ATE1: variants seen among roughly 807,000 people sequenced by gnomAD.
The protein encoded by ATE1 is arginyltransferase 1.
A neutral mutation model predicts 70.5 loss-of-function variants in ATE1; 36 were observed. The observed-to-expected ratio is 0.51, with a 90% confidence interval of 0.39 to 0.67. ATE1 has a LOEUF of 0.67. Ranked by LOEUF, ATE1 falls within the 30% of genes least tolerant of loss-of-function variation. The probability of loss-of-function intolerance (pLI) is 0.00; values close to 1 mark genes in which losing one functional copy is unlikely to be tolerated. For synonymous variants in ATE1, 232 were observed against 219.3 expected (o/e 1.06, Z -0.51); for missense variants, 593 against 629.5 (o/e 0.94, Z 0.62).
intron 10 of ATE1, among the ~76,000 whole-genome samples, chr10:121,790,533 C>T (rs142354950): frequency 3.3e-5 from 5 of 152,136 alleles, no homozygotes; most frequent in African/African-American, 4.8e-5. Flanking sequence ...TTGGAAAATT[C>T]GAGTTTTTAC....
At chr10:121,890,204 G>A (rs1950533178) in intron 7 of ATE1, among the ~76,000 whole-genome samples, 1 of 152,014 alleles carries the variant, frequency 6.6e-6, no homozygotes, top group Admixed American at 6.6e-5. Flanking sequence ...AATCTAAAAC[G>A]ATATCACAAA....
chr10:121,786,213 T>G (rs1413343138), intron 11 of ATE1, among the ~76,000 whole-genome samples: 3 of 142,778 alleles, frequency 2.1e-5, no homozygotes, highest in African/African-American at 7.9e-5. Context: ...TTTTTTTTTT[T>G]TTTTTTTTTT....
intron 5 of ATE1, among the ~76,000 whole-genome samples, 171 bp downstream of exon 5, chr10:121,910,735 A>T (rs1287482136): frequency 6.6e-6 from 1 of 152,220 alleles, no homozygotes; most frequent in Non-Finnish European, 1.5e-5. Context: ...GTAGTTTGTA[A>T]AAGGCATGAT....
intron 7 of ATE1, among the ~76,000 whole-genome samples, chr10:121,898,449 C>A (rs567051371): frequency 6.6e-6 from 1 of 152,328 alleles, no homozygotes; most frequent in South Asian, 2.1e-4. Flanking sequence ...GTATTTCTTT[C>A]TAATTCACTT....
At chr10:121,816,440 A>T (rs574987877) in intron 10 of ATE1, among the ~76,000 whole-genome samples, 1 of 152,210 alleles carries the variant, frequency 6.6e-6, no homozygotes, top group South Asian at 2.1e-4. Flanking sequence ...TCAATGGACT[A>T]GTGCCTTAGG....
Position 121,899,109 on chromosome 10 carries a change from G to A in ATE1, c.942+757C>T, listed in dbSNP as rs1950882751. The A allele has an allele frequency of 1.5e-5, 14 of 908,858 alleles. 1 individual carries two copies. The highest frequency in any genetic ancestry group is 8.6e-5 in the East Asian group (3 of 35,072). 56.3% of individuals were successfully genotyped at this position (908,858 alleles called of 1,614,324 possible). On this transcript the variant is annotated intron_variant, in intron 7 of 11. Transcript: ENST00000224652. ...TTTGTCATGAAAAGAAACCTTAGAC[G>A]AGGCAGACGGGTGCAGAGACCGAAG... is the stretch of plus-strand genomic sequence containing the variant.
At chr10:121,815,136 A>AT (rs1947484942) in intron 10 of ATE1, among the ~76,000 whole-genome samples, 1 of 152,078 alleles carries the variant, frequency 6.6e-6, no homozygotes, top group African/African-American at 2.4e-5. Flanking sequence ...CATCTTGGGA[A>AT]TTTTTTTGTT....
intron 11 of ATE1, among the ~76,000 whole-genome samples, chr10:121,786,395 A>C (rs1167008438): frequency 1.3e-5 from 2 of 152,090 alleles, no homozygotes; most frequent in African/African-American, 4.8e-5. Context: ...TTGGCTGGGC[A>C]TGGTGGTTCA....
chr10:121,875,727 G>C (rs1199516724), intron 7 of ATE1, among the ~76,000 whole-genome samples: 4 of 152,050 alleles, frequency 2.6e-5, no homozygotes, highest in Admixed American at 2.6e-4. Context: ...CGTAAGTCTG[G>C]GAAATGCTCT....
intron 11 of ATE1, among the ~76,000 whole-genome samples, chr10:121,778,884 C>G (rs1459651627): frequency 6.6e-6 from 1 of 152,028 alleles, no homozygotes; most frequent in East Asian, 1.9e-4. Context: ...ATTACAGGTT[C>G]ACGTGAGCCA....
intron 8 of ATE1, among the ~76,000 whole-genome samples, chr10:121,857,320 T>C (rs1463169414): frequency 6.6e-6 from 1 of 152,210 alleles, no homozygotes; most frequent in African/African-American, 2.4e-5. Flanking sequence ...TTTATGTCCA[T>C]GTGTACCCAA....
intron 7 of ATE1, among the ~76,000 whole-genome samples, chr10:121,886,453 G>C (rs1447298832): frequency 6.6e-6 from 1 of 152,136 alleles, no homozygotes; most frequent in Non-Finnish European, 1.5e-5. Flanking sequence ...TGGTCCCAGT[G>C]TGAGTGTGGG....
chr10:121,763,764 A>G (rs1945156315), intron 11 of ATE1, among the ~76,000 whole-genome samples: 1 of 152,212 alleles, frequency 6.6e-6, no homozygotes, highest in Non-Finnish European at 1.5e-5. Flanking sequence ...TTGTAATCCC[A>G]GCACTTTGGG....
Position 121,899,907 on chromosome 10 carries a change from C to T in ATE1, c.901G>A (p.Val301Ile), listed in dbSNP as rs1196579209. The change falls in exon 7 of 12, where the codon GTT becomes ATT. Residue 301 changes from valine (V) to isoleucine (I), a missense_variant. Physicochemically the swap from Val to Ile is conservative, Grantham distance 29. Transcript: ENST00000224652. ...SYQVYKRYQM[V>I]IHKNPPDTPT... ...GTATCAGGTGGGTTCTTGTGAATAA[C>T]CATCTGGTAACGTTTATAGACCTGG... The T allele has an allele frequency of 1.9e-6, 3 of 1,613,376 alleles. No individual in the cohort carries two copies. Among genetic ancestry groups the T allele is most frequent in the Non-Finnish European group, 2.5e-6 (3 of 1,179,608 alleles).
intron 10 of ATE1, among the ~76,000 whole-genome samples, chr10:121,810,993 G>A (rs556057327): frequency 1.4e-4 from 21 of 152,224 alleles, no homozygotes; most frequent in African/African-American, 4.3e-4. Context: ...GAGCCATCAC[G>A]CCCAGCCAAA....
At chr10:121,928,283 TC>T (rs1033265039), upstream of ATE1, 209 of 1,478,348 alleles carry the variant, frequency 1.4e-4, no homozygotes, top group Non-Finnish European at 1.8e-4. Flanking sequence ...GCCTGCCCTT[TC>T]CCCCGCCGAG....
At chr10:121,924,192 C>T in intron 2 of ATE1, 74 bp downstream of exon 2, 3 of 1,397,404 alleles carry the variant, frequency 2.1e-6, no homozygotes, top group Non-Finnish European at 3.0e-6. Flanking sequence ...AACAGGAAAG[C>T]ATTTCAAAGG....
intron 11 of ATE1, among the ~76,000 whole-genome samples, chr10:121,779,022 C>T (rs757176745): frequency 2.6e-5 from 4 of 152,122 alleles, no homozygotes; most frequent in African/African-American, 4.8e-5. Flanking sequence ...TCTTGTCATA[C>T]CTCTGAAATA....
chr10:121,816,784 C>CA (rs1446647421), intron 10 of ATE1, among the ~76,000 whole-genome samples: 1 of 152,180 alleles, frequency 6.6e-6, no homozygotes, highest in Non-Finnish European at 1.5e-5. Context: ...ATTTGTAAAT[C>CA]AAACTATTTG....
Sources: gnomAD v4.1 joint callset for allele counts (sites outside exome capture counted in the v4.1 genomes callset) on GRCh38, gnomAD v4.1.1 for gene constraint, MANE v1.5 for transcripts, NCBI Gene and HGNC (gene_info 2026-07-23, HGNC 2026-07-21) for gene names.